The following MCF2L variants were observed in gnomAD, a reference collection of about 807,000 sequenced individuals.
MCF2L encodes MCF.2 cell line derived transforming sequence like.
Under a neutral mutation model 153.4 loss-of-function variants are expected in MCF2L, and 97 were observed. The observed-to-expected ratio is 0.63, with a 90% CI of 0.54 to 0.75. The LOEUF (loss-of-function observed/expected upper bound fraction) is 0.75. Among genes scored for constraint, MCF2L ranks in the 30% least tolerant of loss-of-function variants. MCF2L has a pLI of 0.00. For synonymous variants in MCF2L, 659 were observed against 632.2 expected, an observed-to-expected ratio of 1.04 and a Z score of -0.64; for missense variants, 1,347 against 1,495.2, an observed-to-expected ratio of 0.90 and a Z score of 1.64.
chr13:113,034,637 C>CCGCGCCCTGGTCT lies in MCF2L; in HGVS notation c.278+9880_278+9881insGCGCCCTGGTCTC, dbSNP rs1566775849. On this transcript the variant is annotated intron_variant, in intron 3 of 29. Transcript: ENST00000535094. ...GGTCTCACCCTCGCCCTGGTCTCAC[C>CCGCGCCCTGGTCT]CACGCCCTCGCCCTTGCCCTGGTCT... Among the ~76,000 whole-genome samples, 141 of 151,840 alleles carry CCGCGCCCTGGTCT rather than the reference C, an allele frequency of 9.3e-4. 1 individual carries two copies. The highest frequency in any genetic ancestry group is 3.3e-3 in the African/African-American group (135 of 41,382).
chr13:113,030,079 A>G (rs1419096597), intron 3 of MCF2L, among the ~76,000 whole-genome samples: 2 of 152,242 alleles, frequency 1.3e-5, no homozygotes, highest in Non-Finnish European at 2.9e-5. Context: ...CATTTTTGGA[A>G]TATTAGACTG....
At chr13:113,091,025 C>T (rs780800810) in intron 26 of MCF2L, 195 of 1,285,440 alleles carry the variant, frequency 1.5e-4, no homozygotes, top group Non-Finnish European at 1.9e-4. Flanking sequence ...GTCGGTGTCC[C>T]CTTCCAGCAC....
intron 2 of MCF2L, among the ~76,000 whole-genome samples, chr13:112,953,622 C>G (rs530791245): frequency 2.6e-5 from 4 of 152,316 alleles, no homozygotes; most frequent in African/African-American, 7.2e-5. Flanking sequence ...TCACCTGTGG[C>G]CGGTGGTTCT....
intron 2 of MCF2L, among the ~76,000 whole-genome samples, chr13:112,909,064 G>A (rs1347707968): frequency 6.6e-6 from 1 of 152,164 alleles, no homozygotes; most frequent in Non-Finnish European, 1.5e-5. Context: ...CTTTGCCGAG[G>A]GGATGATCTG....
intron 4 of MCF2L, among the ~76,000 whole-genome samples, chr13:113,060,174 A>G (rs1037507529): frequency 5.3e-5 from 8 of 152,118 alleles, no homozygotes; most frequent in African/African-American, 9.7e-5. Flanking sequence ...GGAGCTCTCC[A>G]CGCGGTGCTG....
intron 2 of MCF2L, among the ~76,000 whole-genome samples, chr13:113,021,865 G>A (rs1386581203): frequency 6.6e-6 from 1 of 152,204 alleles, no homozygotes; most frequent in Non-Finnish European, 1.5e-5. Context: ...AGGCTGTGGT[G>A]GAGCACAGAG....
chr13:113,092,556 G>A (rs1049420400), intron 26 of MCF2L, among the ~76,000 whole-genome samples: 12 of 152,242 alleles, frequency 7.9e-5, no homozygotes, highest in African/African-American at 2.7e-4. Flanking sequence ...GGTGGCCTGA[G>A]CGCTGCCCAG....
intron 2 of MCF2L, among the ~76,000 whole-genome samples, chr13:113,015,977 C>T (rs1050549611): frequency 6.6e-6 from 1 of 152,168 alleles, no homozygotes; most frequent in Non-Finnish European, 1.5e-5. Flanking sequence ...CCCAAAGAGG[C>T]TCACAGCTTT....
intron 2 of MCF2L, among the ~76,000 whole-genome samples, chr13:113,019,685 G>A (rs74460618): frequency 0.021 from 3,176 of 152,258 alleles, 112 homozygotes; most frequent in African/African-American, 0.072. Context: ...TCCAAACTCA[G>A]ATGTTGAAAC....
At chr13:113,072,425 C>A (rs1255420624) in intron 9 of MCF2L, among the ~76,000 whole-genome samples, 3 of 152,192 alleles carry the variant, frequency 2.0e-5, no homozygotes, top group Non-Finnish European at 4.4e-5. Context: ...GCTTTGTCCC[C>A]AACCTTAGGA....
At position 113,011,120 on chromosome 13, in the gene MCF2L, G is replaced by C. The variant is rs568883979; in HGVS notation, c.80-3643G>C. 1.6e-3 allele frequency among the ~76,000 whole-genome samples: 239 copies of C among 152,296 alleles called. 1 individual carries two copies. The highest frequency in any genetic ancestry group is 5.2e-3 in the African/African-American group (217 of 41,568). The stretch of plus-strand genomic sequence containing the variant: ...AATCCCAGGGCCCCGCCTGCAGAAG[G>C]CCTCCATGAAGAACGGAAGAAGGCC... On this transcript the variant is annotated intron_variant, in intron 1 of 29. Transcript: ENST00000535094.
At chr13:112,938,164 AGGGG>A (rs2081539997) in intron 2 of MCF2L, among the ~76,000 whole-genome samples, 1 of 127,656 alleles carries the variant, frequency 7.8e-6, no homozygotes, top group Admixed American at 7.9e-5. Flanking sequence ...GTGAGCGCTG[AGGGG>A]TTGGTTCAGG....
At chr13:112,959,817 A>G (rs2081802136) in intron 2 of MCF2L, among the ~76,000 whole-genome samples, 1 of 152,208 alleles carries the variant, frequency 6.6e-6, no homozygotes, top group African/African-American at 2.4e-5. Flanking sequence ...CACAGCAGCA[A>G]CGCACCGGTG....
At chr13:113,079,181 C>G (rs1390212803) in intron 15 of MCF2L, among the ~76,000 whole-genome samples, 1 of 152,242 alleles carries the variant, frequency 6.6e-6, no homozygotes, top group Non-Finnish European at 1.5e-5. Flanking sequence ...TCGTCTCCAG[C>G]CCTCCTTTTC....
chr13:113,063,100 C>T (rs1364059701), intron 5 of MCF2L, among the ~76,000 whole-genome samples: 2 of 152,258 alleles, frequency 1.3e-5, no homozygotes, highest in African/African-American at 4.8e-5. Context: ...ACAGGCCGCA[C>T]TCGTGTGGAG....
rs1566652896 is a variant in MCF2L at position 112,943,665 on chromosome 13, C to T, written c.169+41294C>T. Among the ~76,000 whole-genome samples, 1 of 152,126 alleles carries T rather than the reference C, an allele frequency of 6.6e-6. No individual in the cohort carries two copies. Among genetic ancestry groups the T allele is most frequent in the East Asian group, 1.9e-4 (1 of 5,166 alleles). ...GGCCAGTCCCTTACCCGGGGACAGA[C>T]GGGGAAGGCGGGAGCGCTCGCAGTT... On this transcript the variant is annotated intron_variant, in intron 2 of 29. Transcript: ENST00000375608. The surrounding 1 kb of genome is among the most constrained non-coding windows in gnomAD (Gnocchi z 4.2).
intron 2 of MCF2L, among the ~76,000 whole-genome samples, chr13:112,910,949 G>T (rs1328395372): frequency 1.4e-5 from 2 of 140,514 alleles, no homozygotes; most frequent in Non-Finnish European, 3.1e-5. Flanking sequence ...GCGTGTAAAT[G>T]AAGCCGCAGC....
chr13:112,968,746 G>C (rs1044063058), upstream of MCF2L: 4 of 1,382,026 alleles, frequency 2.9e-6, no homozygotes, highest in African/African-American at 4.6e-5. Flanking sequence ...GCGCGGCCCC[G>C]CGGAGGCAGC....
chr13:113,020,883 G>C (rs372250899), intron 2 of MCF2L, among the ~76,000 whole-genome samples: 1 of 100,144 alleles, frequency 1.0e-5, no homozygotes, highest in Non-Finnish European at 2.1e-5. Context: ...TGTATGTGTA[G>C]ATGTGTGTAT....
Sources: gnomAD v4.1 joint callset for allele counts (sites outside exome capture counted in the v4.1 genomes callset) on GRCh38, gnomAD v4.1.1 for gene constraint, Gnocchi (gnomAD v3.1) non-coding constraint, MANE v1.5 for transcripts, NCBI Gene and HGNC (gene_info 2026-07-23, HGNC 2026-07-21) for gene names.